MEOX2: variants seen among roughly 807,000 people sequenced by gnomAD.
The protein encoded by MEOX2 is homeobox protein MOX-2.
Under a neutral mutation model 27.0 loss-of-function variants are expected in MEOX2, and 11 were observed. The ratio of observed to expected loss-of-function variants is 0.41; its 90% CI spans 0.26 to 0.68. The LOEUF is 0.68. Among genes scored for constraint, MEOX2 ranks in the 30% least tolerant of loss-of-function variants. The probability of loss-of-function intolerance (pLI) is 0.33; values close to 1 mark genes in which losing one functional copy is unlikely to be tolerated. For synonymous variants in MEOX2, 189 were observed against 155.4 expected, an observed-to-expected ratio of 1.22 and a Z score of -1.61; for missense variants, 436 against 385.4, an observed-to-expected ratio of 1.13 and a Z score of -1.10.
intron 1 of MEOX2, among the ~76,000 whole-genome samples, chr7:15,685,278 T>C (rs1236511152): frequency 1.3e-5 from 2 of 152,180 alleles, no homozygotes; most frequent in Non-Finnish European, 2.9e-5. Flanking sequence ...CTAGATAATG[T>C]CTTCTTCCCC....
rs187794871 is a variant in MEOX2, at chr7:15,614,136, C to G, written c.691-1525G>C. Among the ~76,000 whole-genome samples, 759 of 150,982 alleles carry G rather than the reference C, an allele frequency of 5.0e-3. 7 individuals are homozygous for G. The highest frequency in any genetic ancestry group is 0.016 in the African/African-American group (671 of 41,216). On this transcript the variant is annotated intron_variant, in intron 2 of 2. Coordinates refer to ENST00000262041, the MANE Select transcript of MEOX2 (RefSeq NM_005924.5). ...AAGCCAGTAAGATATTCTATTGTGT[C>G]TTCTTCTAAGAGTTTTAAAGGTTGC...
Position 15,612,310 on chromosome 7 carries a change from CTG to C in MEOX2, c.*75_*76del, listed in dbSNP as rs1460650494. On this transcript the variant is annotated 3_prime_UTR_variant, in exon 3 of 3. Transcript: ENST00000262041. Reference sequence around the variant, plus strand: ...AAACATCACTGCCATAGTCATCTCTCTGTGTAAACGATATTTGGGTAAGGCTT... The same window carrying C: ...AAACATCACTGCCATAGTCATCTCTCTGTAAACGATATTTGGGTAAGGCTT... The C allele has an allele frequency of 7.1e-6, 8 of 1,121,680 alleles. No homozygotes were observed. The highest frequency in any genetic ancestry group is 6.9e-5 in the Admixed American group (4 of 57,754). The allele number at this position is 1,121,680 out of a possible 1,614,324, so 69.5% of individuals were successfully genotyped here. A position where few individuals can be genotyped will look rare whatever the true frequency, so the allele number is the denominator to read the frequency against.
intron 1 of MEOX2, among the ~76,000 whole-genome samples, chr7:15,671,039 A>G (rs931061627): frequency 1.1e-4 from 16 of 152,206 alleles, no homozygotes; most frequent in African/African-American, 3.9e-4. Flanking sequence ...AAGATTTGCC[A>G]TGTGTTGATA....
In MEOX2 at chr7:15,685,877, C is replaced by A. The variant is rs768507132; in HGVS notation, c.517+9G>T. On this transcript the variant is annotated intron_variant, in intron 1 of 2. Transcript: ENST00000262041. Reference sequence around the variant, plus strand: ...CGCGCACTCTCGAGGGTGCCTGGCGCGCCCTTACCTGAGCTGTCGCTTTTC... The same window carrying A: ...CGCGCACTCTCGAGGGTGCCTGGCGAGCCCTTACCTGAGCTGTCGCTTTTC... 1 of 1,577,234 alleles carries A rather than the reference C, an allele frequency of 6.3e-7. No homozygotes were observed. The highest frequency in any genetic ancestry group is 1.8e-5 in the Admixed American group (1 of 56,240).
At chr7:15,635,861 C>T (rs1368770493) in intron 1 of MEOX2, among the ~76,000 whole-genome samples, 1 of 151,864 alleles carries the variant, frequency 6.6e-6, no homozygotes, top group Admixed American at 6.6e-5. Context: ...TTCCAAGGAA[C>T]CTGGGGAGGT....
intron 1 of MEOX2, among the ~76,000 whole-genome samples, chr7:15,667,302 A>AAAAAAAAAAAAAAAAAC: frequency 6.7e-6 from 1 of 149,142 alleles, no homozygotes; most frequent in Non-Finnish European, 1.5e-5. Flanking sequence ...AAAAAAAAAA[A>AAAAAAAAAAAAAAAAAC]AAAAAAAAAA....
At chr7:15,651,566 A>C (rs1403585431) in intron 1 of MEOX2, among the ~76,000 whole-genome samples, 1 of 151,960 alleles carries the variant, frequency 6.6e-6, no homozygotes, top group African/African-American at 2.4e-5. Flanking sequence ...TTATTTACAC[A>C]ATCCTTCATT....
At chr7:15,622,803 G>A (rs1781241388) in intron 2 of MEOX2, among the ~76,000 whole-genome samples, 1 of 152,212 alleles carries the variant, frequency 6.6e-6, no homozygotes, top group Non-Finnish European at 1.5e-5. Flanking sequence ...AACCCTCAAG[G>A]TGACGGCATT....
chr7:15,680,374 G>A (rs368684318), intron 1 of MEOX2: 67 of 151,970 alleles, frequency 4.4e-4, no homozygotes, highest in African/African-American at 1.6e-3. Flanking sequence ...TTAGAGAAAT[G>A]GGCATCAGAT....
chr7:15,649,186 C>A (rs1249215674), intron 1 of MEOX2, among the ~76,000 whole-genome samples: 1 of 152,034 alleles, frequency 6.6e-6, no homozygotes, highest in African/African-American at 2.4e-5. Context: ...AAATTGTTAA[C>A]TACCACATGA....
intron 1 of MEOX2, among the ~76,000 whole-genome samples, chr7:15,657,374 T>G (rs1027094198): frequency 6.6e-6 from 1 of 151,996 alleles, no homozygotes; most frequent in Non-Finnish European, 1.5e-5. Flanking sequence ...ATGGTAAAAA[T>G]TTTTTTTCAA....
intron 1 of MEOX2, chr7:15,677,566 T>C (rs1782218056): frequency 1.3e-5 from 2 of 152,234 alleles, no homozygotes; most frequent in African/African-American, 4.8e-5. Flanking sequence ...TACTGGATGA[T>C]ATTCGACATG....
At chr7:15,673,133 G>T (rs984785688) in intron 1 of MEOX2, among the ~76,000 whole-genome samples, 2 of 152,118 alleles carry the variant, frequency 1.3e-5, no homozygotes, top group African/African-American at 4.8e-5. Flanking sequence ...ACCAAGAACT[G>T]TGCACCTAAG....
At chr7:15,682,161 T>C (rs1289881067) in intron 1 of MEOX2, among the ~76,000 whole-genome samples, 1 of 151,858 alleles carries the variant, frequency 6.6e-6, no homozygotes, top group Non-Finnish European at 1.5e-5. Context: ...ATTTGATTTG[T>C]TCAATACTTC....
chr7:15,644,424 C>A (rs1583762812), intron 1 of MEOX2, among the ~76,000 whole-genome samples: 1 of 152,234 alleles, frequency 6.6e-6, no homozygotes, highest in African/African-American at 2.4e-5. Flanking sequence ...AATATTTGTT[C>A]AAAGTGTTTC....
rs1163824692 is a variant in MEOX2, at chr7:15,611,297, AAAT to A, written c.*1087_*1089del. 6.6e-6 allele frequency: 1 copy of A among 152,216 alleles called. No individual in the cohort carries two copies. The highest frequency in any genetic ancestry group is 1.9e-4 in the East Asian group (1 of 5,198). 9.4% of individuals were successfully genotyped at this position (152,216 alleles called of 1,614,324 possible). On this transcript the variant is annotated 3_prime_UTR_variant, in exon 3 of 3. Coordinates refer to ENST00000262041, the MANE Select transcript of MEOX2 (RefSeq NM_005924.5). ...CTGCATGAATACATCACATATGAAA[AAAT>A]AATGTGTTTTTACCGAATTTAATTT...
chr7:15,620,352 A>C (rs1290609450), intron 2 of MEOX2, among the ~76,000 whole-genome samples: 1 of 152,228 alleles, frequency 6.6e-6, no homozygotes, highest in African/African-American at 2.4e-5. Flanking sequence ...TAATTAGCTA[A>C]GTAACTAAAT....
At chr7:15,675,936 T>C (rs774339779) in intron 1 of MEOX2, 5 of 152,184 alleles carry the variant, frequency 3.3e-5, no homozygotes, top group Non-Finnish European at 5.9e-5. Context: ...GGGATCAAAT[T>C]GCTATGGATC....
chr7:15,669,628 T>C (rs377485767), intron 1 of MEOX2, among the ~76,000 whole-genome samples: 2 of 152,348 alleles, frequency 1.3e-5, no homozygotes, highest in South Asian at 2.1e-4. Flanking sequence ...TTGCGTAATG[T>C]ATGGCCACGG....
Sources: allele counts gnomAD v4.1 joint callset (sites outside exome capture counted in the v4.1 genomes callset), GRCh38; gene constraint gnomAD v4.1.1; transcripts MANE v1.5; gene names NCBI Gene and HGNC (gene_info 2026-07-23, HGNC 2026-07-21).